Variants in BMP5 observed in about 807,000 individuals in gnomAD.
The protein encoded by BMP5 is bone morphogenetic protein 5.
A neutral mutation model predicts 46.6 loss-of-function variants in BMP5; 23 were observed. The ratio of observed to expected loss-of-function variants is 0.49; its 90% CI spans 0.35 to 0.70. BMP5 has a LOEUF of 0.70. Ranked by LOEUF, BMP5 falls within the 30% of genes least tolerant of loss-of-function variation. The pLI, the probability that BMP5 is intolerant of heterozygous loss-of-function variation, is 0.00. For synonymous variants in BMP5, 204 were observed against 191.9 expected (o/e 1.06, Z -0.52); for missense variants, 545 against 565.6 (o/e 0.96, Z 0.37).
intron 2 of BMP5, among the ~76,000 whole-genome samples, chr6:55,807,092 A>T (rs1011814567): frequency 2.6e-5 from 4 of 152,144 alleles, no homozygotes; most frequent in African/African-American, 9.7e-5. Context: ...CCTGGCCAGA[A>T]CTTCCAATAC....
At chr6:55,773,934 A>G in intron 4 of BMP5, 115 bp downstream of exon 4, 1 of 1,146,698 alleles carries the variant, frequency 8.7e-7, no homozygotes, top group Admixed American at 1.7e-5. Flanking sequence ...TCACTGGAAG[A>G]TTTAATGTAC....
chr6:55,864,576 A>C (rs1303303591), intron 1 of BMP5, among the ~76,000 whole-genome samples: 2 of 152,104 alleles, frequency 1.3e-5, no homozygotes, highest in Non-Finnish European at 2.9e-5. Flanking sequence ...AGCCAAACAA[A>C]CTTTTCCTTA....
intron 1 of BMP5, among the ~76,000 whole-genome samples, chr6:55,840,103 T>C (rs1226305908): frequency 2.6e-5 from 4 of 152,140 alleles, no homozygotes; most frequent in Non-Finnish European, 5.9e-5. Context: ...ATAGAAATCT[T>C]AAACACGTTT....
At chr6:55,854,655 T>A (rs987643659) in intron 1 of BMP5, among the ~76,000 whole-genome samples, 1 of 152,106 alleles carries the variant, frequency 6.6e-6, no homozygotes, top group Non-Finnish European at 1.5e-5. Context: ...TGTCAAATAT[T>A]TTAGGTATGC....
At chr6:55,860,750 T>G (rs1270084841) in intron 1 of BMP5, among the ~76,000 whole-genome samples, 3 of 152,220 alleles carry the variant, frequency 2.0e-5, no homozygotes, top group African/African-American at 7.2e-5. Context: ...TACCTACTTT[T>G]CATAATTCAT....
chr6:55,798,565 T>C (rs1775771000), intron 2 of BMP5, among the ~76,000 whole-genome samples: 1 of 152,170 alleles, frequency 6.6e-6, no homozygotes, highest in African/African-American at 2.4e-5. Context: ...TCCTCTATGG[T>C]TAATAAAGTC....
At chr6:55,772,925 A>G in intron 4 of BMP5, 1 of 985,090 alleles carries the variant, frequency 1.0e-6, no homozygotes, top group Middle Eastern at 5.2e-4. Flanking sequence ...AGCAAATAAA[A>G]ACAAACAAAT....
At chr6:55,786,661 T>C (rs908535486) in intron 3 of BMP5, among the ~76,000 whole-genome samples, 2 of 151,728 alleles carry the variant, frequency 1.3e-5, no homozygotes, top group African/African-American at 4.8e-5. Context: ...AAGCTAATTA[T>C]CCTTAAACAT....
chr6:55,836,578 A>T (rs937671445), intron 1 of BMP5, among the ~76,000 whole-genome samples: 3 of 151,656 alleles, frequency 2.0e-5, no homozygotes, highest in Non-Finnish European at 2.9e-5. Context: ...GGCTGTAAAG[A>T]TCTTAACTGC....
chr6:55,818,679 G>A (rs1776334998), intron 2 of BMP5, among the ~76,000 whole-genome samples: 1 of 152,042 alleles, frequency 6.6e-6, no homozygotes, highest in Non-Finnish European at 1.5e-5. Flanking sequence ...GTATTGCAAG[G>A]CACTATTGCG....
chr6:55,788,404 A>G (rs563645001), intron 3 of BMP5, among the ~76,000 whole-genome samples: 2 of 151,988 alleles, frequency 1.3e-5, no homozygotes, highest in East Asian at 3.9e-4. Flanking sequence ...GCTTAATAAC[A>G]TAACTGCCTA....
intron 3 of BMP5, among the ~76,000 whole-genome samples, chr6:55,781,977 C>A (rs1010703902): frequency 6.6e-6 from 1 of 151,354 alleles, no homozygotes; most frequent in African/African-American, 2.4e-5. Context: ...AGTCTAGTAC[C>A]AGCAAAATAG....
intron 1 of BMP5, among the ~76,000 whole-genome samples, chr6:55,856,075 A>G (rs1403010107): frequency 1.3e-5 from 2 of 152,172 alleles, no homozygotes; most frequent in African/African-American, 4.8e-5. Flanking sequence ...CCTGGAAAAT[A>G]CTAATCTGTT....
chr6:55,770,853 G>A (rs758684087), intron 4 of BMP5, among the ~76,000 whole-genome samples: 27 of 151,850 alleles, frequency 1.8e-4, no homozygotes, highest in African/African-American at 5.6e-4. Context: ...ATGACCGATC[G>A]TTGGAGCAAT....
intron 3 of BMP5, among the ~76,000 whole-genome samples, chr6:55,784,787 A>G (rs1402690390): frequency 6.6e-6 from 1 of 151,884 alleles, no homozygotes. Flanking sequence ...TCTCTCCCTT[A>G]TAATCATTTT....
At chr6:55,773,904 AT>A in intron 4 of BMP5, 144 bp downstream of exon 4, 1 of 909,092 alleles carries the variant, frequency 1.1e-6, no homozygotes, top group Non-Finnish European at 1.8e-6. Flanking sequence ...CTGATGAAAC[AT>A]TCTGGGATGC....
chr6:55,831,176 A>G (rs1776655349), intron 1 of BMP5, among the ~76,000 whole-genome samples: 1 of 152,110 alleles, frequency 6.6e-6, no homozygotes, highest in Admixed American at 6.6e-5. Flanking sequence ...CCTCTTTTTG[A>G]AATCTGACAA....
rs77623146 is a variant in BMP5, at chr6:55,840,767, G to A, written c.491-20920C>T. 1.6e-4 allele frequency among the ~76,000 whole-genome samples: 25 copies of A among 152,230 alleles called. No individual in the cohort carries two copies. In the East Asian group the frequency reaches 2.9e-3, roughly 18 times the overall value. On this transcript the variant is annotated intron_variant, in intron 1 of 6. Coordinates refer to ENST00000370830, the MANE Select transcript of BMP5 (RefSeq NM_021073.4). The stretch of plus-strand genomic sequence containing the variant: ...ATTGATTTACTACTCCATGTAATGT[G>A]TCTTTTTTCCTTTGGCTGCATTTAA...
chr6:55,816,606 A>G (rs972559819), intron 2 of BMP5, among the ~76,000 whole-genome samples: 1 of 152,194 alleles, frequency 6.6e-6, no homozygotes, highest in Non-Finnish European at 1.5e-5. Context: ...GTCAGTGTTA[A>G]AGTTGAGAAA....
Sources: gnomAD v4.1 joint callset for allele counts (sites outside exome capture counted in the v4.1 genomes callset) on GRCh38, gnomAD v4.1.1 for gene constraint, MANE v1.5 for transcripts, NCBI Gene and HGNC (gene_info 2026-07-23, HGNC 2026-07-21) for gene names.